The following ARHGEF28 variants were observed in gnomAD, a reference collection of about 807,000 sequenced individuals.
The protein encoded by ARHGEF28 is Rho guanine nucleotide exchange factor 28.
In ARHGEF28, 152 loss-of-function variants were observed where a neutral mutation model predicts 206.6. The ratio of observed to expected loss-of-function variants is 0.74; its 90% CI spans 0.64 to 0.84. The LOEUF (loss-of-function observed/expected upper bound fraction) is 0.84, where lower values mean the gene tolerates loss of function less well. Among genes scored for constraint, ARHGEF28 ranks in the 40% least tolerant of loss-of-function variants. The pLI is 0.00. For synonymous variants in ARHGEF28, 763 were observed against 776.4 expected (o/e 0.98, Z 0.29); for missense variants, 2,028 against 2,073.2 (o/e 0.98, Z 0.42).
chr5:73,726,795 A>G (rs1385158232), intron 2 of ARHGEF28, among the ~76,000 whole-genome samples: 1 of 152,220 alleles, frequency 6.6e-6, no homozygotes, highest in African/African-American at 2.4e-5. Flanking sequence ...TTTTAAAACT[A>G]TCTTTTTTTC....
At chr5:73,920,552 T>G (rs966157173) in intron 35 of ARHGEF28, among the ~76,000 whole-genome samples, 6 of 145,620 alleles carry the variant, frequency 4.1e-5, no homozygotes, top group East Asian at 2.0e-4. Context: ...TAGGTTTTTT[T>G]TTTTTTTTTT....
intron 2 of ARHGEF28, among the ~76,000 whole-genome samples, chr5:73,719,629 A>G (rs1254947510): frequency 6.6e-6 from 1 of 152,230 alleles, no homozygotes; most frequent in East Asian, 1.9e-4. Context: ...TCAGGCTGAC[A>G]AAAGAAAGCT....
At chr5:73,818,652 A>C (rs1428051736) in intron 9 of ARHGEF28, among the ~76,000 whole-genome samples, 1 of 152,206 alleles carries the variant, frequency 6.6e-6, no homozygotes, top group Non-Finnish European at 1.5e-5. Context: ...GAGGCCTACT[A>C]CCATTGTCAG....
rs754920188 is a variant in ARHGEF28, at chr5:73,776,610, A to G, written c.754A>G (p.Thr252Ala). Reference protein sequence around the residue: ...YIHSSETLTLTLNHTAEHLLE... With the variant: ...YIHSSETLTLALNHTAEHLLE... ...TCACTCATCGGAAACGCTGACCCTG[A>G]CCCTGAACCACACAGCCGAGCATTT... The change falls in exon 6 of 36, where the codon ACC (threonine) becomes GCC (alanine). Residue 252 changes from threonine to alanine, a missense_variant. Thr to Ala is a moderately conservative substitution (Grantham distance 58). Coordinates refer to ENST00000513042, the MANE Select transcript of ARHGEF28 (RefSeq NM_001177693.2). The G allele has an allele frequency of 5.0e-6, 8 of 1,613,754 alleles. No individual in the cohort carries two copies. In the Admixed American group the frequency reaches 1.3e-4, roughly 27 times the overall value.
intron 6 of ARHGEF28, among the ~76,000 whole-genome samples, chr5:73,776,909 C>A (rs2112453211): frequency 6.6e-6 from 1 of 151,978 alleles, no homozygotes; most frequent in Admixed American, 6.6e-5. Flanking sequence ...CTTTTCTGAG[C>A]CAGTCTTTTC....
At chr5:73,766,988 G>A (rs1199106840) in intron 4 of ARHGEF28, among the ~76,000 whole-genome samples, 13 of 152,106 alleles carry the variant, frequency 8.5e-5, no homozygotes, top group Admixed American at 2.6e-4. Context: ...TTGAATTATC[G>A]GGGTGGGTCT....
At chr5:73,656,314 C>T (rs989847277) in intron 1 of ARHGEF28, among the ~76,000 whole-genome samples, 4 of 152,202 alleles carry the variant, frequency 2.6e-5, no homozygotes, top group African/African-American at 9.7e-5. Context: ...ATGTGGACAC[C>T]TCAAACTTAC....
At chr5:73,701,795 A>G (rs1431391408) in intron 2 of ARHGEF28, among the ~76,000 whole-genome samples, 3 of 152,148 alleles carry the variant, frequency 2.0e-5, no homozygotes, top group Non-Finnish European at 4.4e-5. Flanking sequence ...TCGAGGGCTC[A>G]TTCTTTTTTG....
intron 2 of ARHGEF28, among the ~76,000 whole-genome samples, chr5:73,739,500 G>T (rs1371463554): frequency 1.3e-5 from 2 of 152,062 alleles, no homozygotes; most frequent in Non-Finnish European, 2.9e-5. Flanking sequence ...ATAAACCAAA[G>T]CAAAAATATA....
intron 35 of ARHGEF28, among the ~76,000 whole-genome samples, chr5:73,938,445 C>T (rs571434671): frequency 4.6e-5 from 7 of 152,102 alleles, no homozygotes; most frequent in South Asian, 4.2e-4. Context: ...CCAGTGTGTC[C>T]GGCATTGTCA....
rs182047082 is a variant in ARHGEF28 at position 73,898,050 on chromosome 5, G to A, written c.3930G>A (p.Ala1310=). The A allele has an allele frequency of 4.2e-5, 68 of 1,611,452 alleles. No individual in the cohort carries two copies. Among genetic ancestry groups the A allele is most frequent in the African/African-American group, 3.7e-4 (28 of 74,982 alleles). ...CEDSCGDSVL[A]DTLSSHDVPG... Reference sequence around the variant, plus strand: ...ACAGTTGTGGAGACTCTGTCTTGGCGGACACACTCAGTTCTCATGATGTAC... The same window carrying A: ...ACAGTTGTGGAGACTCTGTCTTGGCAGACACACTCAGTTCTCATGATGTAC... Residue 1310 remains alanine (A), a synonymous_variant, in exon 30 of 36, where the codon GCG becomes GCA. Coordinates refer to ENST00000513042, the MANE Select transcript of ARHGEF28 (RefSeq NM_001177693.2).
intron 12 of ARHGEF28, among the ~76,000 whole-genome samples, chr5:73,847,055 T>G (rs75115410): frequency 0.041 from 6,175 of 152,236 alleles, 391 homozygotes; most frequent in African/African-American, 0.14. Flanking sequence ...TATTTATTTA[T>G]TAAAAAACTA....
At position 73,882,540 on chromosome 5, in the gene ARHGEF28, T is replaced by C; in HGVS notation, c.2883T>C (p.Ala961=). ...AATTCTGTTGCCATCATAAAGAAGC[T>C]GTTAACCTCTTTAAAGAACTCCAGC... The part of the protein sequence containing the change: ...YGEFCCHHKE[A]VNLFKELQQN... The change falls in exon 23 of 36, where the codon GCT becomes GCC. Residue 961 remains alanine (A), a synonymous_variant. Transcript: ENST00000513042. 1 of 1,517,902 alleles carries C rather than the reference T, an allele frequency of 6.6e-7. No individual in the cohort carries two copies. The allele number at this position is 1,517,902 out of a possible 1,614,324, so 94.0% of individuals were successfully genotyped here.
intron 3 of ARHGEF28, among the ~76,000 whole-genome samples, chr5:73,752,515 T>G (rs1476735404): frequency 1.3e-5 from 2 of 152,122 alleles, no homozygotes; most frequent in South Asian, 4.1e-4. Flanking sequence ...TGCTTAAATA[T>G]GTAAAAATAT....
At chr5:73,737,428 G>A (rs528538423) in intron 2 of ARHGEF28, among the ~76,000 whole-genome samples, 112 of 110,440 alleles carry the variant, frequency 1.0e-3, no homozygotes, top group Admixed American at 1.5e-3. Flanking sequence ...TCTCCCCACC[G>A]AGCCCTCTTC....
chr5:73,776,374 AT>A, intron 5 of ARHGEF28, 141 bp from the exon 6 acceptor site: 1 of 636,550 alleles, frequency 1.6e-6, no homozygotes, highest in Non-Finnish European at 2.6e-6. Flanking sequence ...TTATGATCTT[AT>A]GTATTTATTG....
At chr5:73,854,069 G>T (rs1758867570) in intron 14 of ARHGEF28, among the ~76,000 whole-genome samples, 1 of 150,940 alleles carries the variant, frequency 6.6e-6, no homozygotes. Context: ...AATCTTTCTT[G>T]GTCCACATCC....
Position 73,740,768 on chromosome 5 carries a change from C to G in ARHGEF28, c.34-9069C>G, listed in dbSNP as rs190945148. On this transcript the variant is annotated intron_variant, in intron 2 of 35. Coordinates refer to ENST00000513042, the MANE Select transcript of ARHGEF28 (RefSeq NM_001177693.2). Reference sequence around the variant, plus strand: ...TTGTCTATATTTGTATTAAAGTATTCCATGGCCCAGGTGTGTCTGACAGGT... The same window carrying G: ...TTGTCTATATTTGTATTAAAGTATTGCATGGCCCAGGTGTGTCTGACAGGT... Among the ~76,000 whole-genome samples, 26 of 152,240 alleles carry G rather than the reference C, an allele frequency of 1.7e-4. 1 individual carries two copies. The highest frequency in any genetic ancestry group is 7.2e-4 in the Admixed American group (11 of 15,286).
chr5:73,867,442 A>T (rs548831894), intron 18 of ARHGEF28, among the ~76,000 whole-genome samples: 3 of 152,350 alleles, frequency 2.0e-5, no homozygotes, highest in African/African-American at 7.2e-5. Context: ...GCTCTCCAGC[A>T]TCATTCCATT....
Sources: allele counts gnomAD v4.1 joint callset (sites outside exome capture counted in the v4.1 genomes callset), GRCh38; gene constraint gnomAD v4.1.1; transcripts MANE v1.5; gene names NCBI Gene and HGNC (gene_info 2026-07-23, HGNC 2026-07-21).